KCNJ15: variants seen among roughly 807,000 people sequenced by gnomAD.
The protein encoded by KCNJ15 is potassium inwardly rectifying channel subfamily J member 15, also known as ATP-sensitive inward rectifier potassium channel 15.
Under a neutral mutation model 23.0 loss-of-function variants are expected in KCNJ15, and 14 were observed. The observed-to-expected ratio is 0.61, with a 90% confidence interval of 0.40 to 0.95. The LOEUF is 0.95. Among genes scored for constraint, KCNJ15 ranks in the 40% least tolerant of loss-of-function variants. KCNJ15 has a pLI of 0.00. For synonymous variants in KCNJ15, 185 were observed against 183.2 expected (o/e 1.01, Z -0.08); for missense variants, 388 against 461.8 (o/e 0.84, Z 1.46).
chr21:38,254,265 C>T (rs1980038756), upstream of KCNJ15, among the ~76,000 whole-genome samples: 1 of 152,214 alleles, frequency 6.6e-6, no homozygotes. Flanking sequence ...ACTCACCTCT[C>T]AACCCTGCAG....
At chr21:38,256,451 T>C (rs1980257318), upstream of KCNJ15, among the ~76,000 whole-genome samples, 1 of 149,690 alleles carries the variant, frequency 6.7e-6, no homozygotes, top group African/African-American at 2.5e-5. Flanking sequence ...AAAACATGAG[T>C]TTTCCTCTGT....
upstream of KCNJ15, among the ~76,000 whole-genome samples, chr21:38,256,360 T>TTATATATG (rs1980231428): frequency 9.4e-6 from 1 of 106,236 alleles, no homozygotes; most frequent in Non-Finnish European, 1.8e-5. Context: ...TCTATTCAGC[T>TTATATATG]TATATATATA....
upstream of KCNJ15, among the ~76,000 whole-genome samples, chr21:38,256,192 T>A (rs1980212924): frequency 2.6e-5 from 4 of 151,840 alleles, no homozygotes; most frequent in Admixed American, 2.0e-4. Flanking sequence ...TTACTGCCTC[T>A]GCTTCCAGAG....
chr21:38,294,683 G>C (rs927104100), intron 1 of KCNJ15, among the ~76,000 whole-genome samples: 4 of 152,056 alleles, frequency 2.6e-5, no homozygotes, highest in African/African-American at 9.7e-5. Context: ...CATTATCCTT[G>C]CTGTGTCCCC....
At chr21:38,293,394 C>T (rs998023097) in intron 1 of KCNJ15, among the ~76,000 whole-genome samples, 4 of 152,162 alleles carry the variant, frequency 2.6e-5, no homozygotes, top group African/African-American at 9.7e-5. Context: ...GAGTAGGAAA[C>T]ACACACCCCA....
rs142707152 is a variant in KCNJ15, at chr21:38,231,404, T to C, written c.-398-25642T>C. On this transcript the variant is annotated intron_variant, in intron 1 of 4. Transcript: ENST00000547341. ...ATGTAAATATAAGAACTTTTCCTTATGTTTTTGCAATCTTAATTTTTAAGA... is the reference window on the plus strand; with the variant it reads ...ATGTAAATATAAGAACTTTTCCTTACGTTTTTGCAATCTTAATTTTTAAGA... Among the ~76,000 whole-genome samples, 23 of 152,054 alleles carry C rather than the reference T, an allele frequency of 1.5e-4. No homozygotes were observed. The East Asian group carries it at 4.4e-3, about 29-fold the overall frequency.
At chr21:38,243,968 A>T (rs933415497) in intron 1 of KCNJ15, among the ~76,000 whole-genome samples, 1 of 152,168 alleles carries the variant, frequency 6.6e-6, no homozygotes, top group Non-Finnish European at 1.5e-5. Context: ...GTTACATGAG[A>T]TCATTTAAGT....
intron 1 of KCNJ15, among the ~76,000 whole-genome samples, chr21:38,267,116 T>C (rs1981544235): frequency 6.6e-6 from 1 of 152,142 alleles, no homozygotes; most frequent in Admixed American, 6.5e-5. Context: ...CAAGGGAGAT[T>C]CAGCAGGTGG....
At chr21:38,233,114 T>C (rs982442908) in intron 1 of KCNJ15, among the ~76,000 whole-genome samples, 1 of 152,078 alleles carries the variant, frequency 6.6e-6, no homozygotes, top group Non-Finnish European at 1.5e-5. Context: ...TTTTGCTTTA[T>C]GTATTTTGGG....
At chr21:38,289,530 C>T (rs573362695) in intron 1 of KCNJ15, among the ~76,000 whole-genome samples, 60 of 152,180 alleles carry the variant, frequency 3.9e-4, no homozygotes, top group Non-Finnish European at 6.9e-4. Flanking sequence ...GTCAGGAGTT[C>T]AAGACCAGCC....
At chr21:38,250,380 G>A (rs1327372392) in intron 1 of KCNJ15, among the ~76,000 whole-genome samples, 1 of 152,108 alleles carries the variant, frequency 6.6e-6, no homozygotes, top group East Asian at 1.9e-4. Flanking sequence ...TTACAAATGA[G>A]GACGTTATAG....
intron 1 of KCNJ15, among the ~76,000 whole-genome samples, chr21:38,240,701 T>C (rs1401260113): frequency 6.6e-6 from 1 of 152,250 alleles, no homozygotes; most frequent in Non-Finnish European, 1.5e-5. Context: ...GTACATTTTT[T>C]GACCAAATAA....
chr21:38,281,517 A>G (rs11088426), intron 1 of KCNJ15, among the ~76,000 whole-genome samples: 4,421 of 152,220 alleles, frequency 0.029, 82 homozygotes, highest in Non-Finnish European at 0.038. Context: ...GTGAGAACAT[A>G]TGGTATTTGG....
chr21:38,299,363 G>T lies in KCNJ15; in HGVS notation c.102G>T (p.Gly34=). 6.2e-7 allele frequency: 1 copy of T among 1,614,198 alleles called. No individual in the cohort carries two copies. Among genetic ancestry groups the T allele is most frequent in the Non-Finnish European group, 8.5e-7 (1 of 1,180,020 alleles). The change falls in exon 3 of 3, where the codon GGG becomes GGT. Residue 34 remains glycine (G), a synonymous_variant. Coordinates refer to ENST00000398938, the MANE Select transcript of KCNJ15 (RefSeq NM_170736.3). This position sits in a 1 kb window ranked among gnomAD's most constrained non-coding sequence, Gnocchi z 4.5. ...ANRPRVMSKS[G]HSNVRIDKVD... is the part of the protein sequence containing the mutation. ...GACCCCGCGTCATGTCCAAGAGTGG[G>T]CACAGCAACGTGAGAATTGACAAAG... is the stretch of plus-strand genomic sequence containing the variant.
At chr21:38,257,595 T>A (rs1015666505) in intron 1 of KCNJ15, among the ~76,000 whole-genome samples, 4 of 152,232 alleles carry the variant, frequency 2.6e-5, no homozygotes, top group African/African-American at 9.6e-5. Context: ...AATGGGGAAA[T>A]CAGTTTAGAT....
intron 1 of KCNJ15, among the ~76,000 whole-genome samples, chr21:38,247,701 A>G (rs1979543235): frequency 6.6e-6 from 1 of 152,258 alleles, no homozygotes. Context: ...CTTCATGGCC[A>G]CATGTAAGGT....
chr21:38,254,945 A>C (rs182042495), upstream of KCNJ15, among the ~76,000 whole-genome samples: 2 of 152,382 alleles, frequency 1.3e-5, no homozygotes, highest in East Asian at 3.9e-4. Context: ...CATGTCTTCC[A>C]TATGTAATCT....
intron 1 of KCNJ15, among the ~76,000 whole-genome samples, chr21:38,292,968 CAAAAA>C (rs540116040): frequency 2.4e-5 from 2 of 82,938 alleles, no homozygotes. Context: ...GATGCTGTCT[CAAAAA>C]AAAAAAAAAA....
rs544832094 is a variant in KCNJ15 at position 38,302,768 on chromosome 21, C to T, written c.*2379C>T. 1 of 152,176 alleles carries T rather than the reference C, an allele frequency of 6.6e-6. No homozygotes were observed. The highest frequency in any genetic ancestry group is 2.1e-4 in the South Asian group (1 of 4,828). 9.4% of individuals were successfully genotyped at this position (152,176 alleles called of 1,614,324 possible). On this transcript the variant is annotated 3_prime_UTR_variant, in exon 3 of 3. Coordinates refer to ENST00000398938, the MANE Select transcript of KCNJ15 (RefSeq NM_170736.3). The stretch of plus-strand genomic sequence containing the variant: ...ATTTATATTGTATATGGTACAAGGA[C>T]GTAGCATAAGATCCAAAAAAAATTT...
Sources: gnomAD v4.1 joint callset for allele counts (sites outside exome capture counted in the v4.1 genomes callset) on GRCh38, gnomAD v4.1.1 for gene constraint, Gnocchi (gnomAD v3.1) non-coding constraint, MANE v1.5 for transcripts, NCBI Gene and HGNC (gene_info 2026-07-23, HGNC 2026-07-21) for gene names.